Variants in SEMA5A observed in about 807,000 individuals in gnomAD.
SEMA5A encodes semaphorin 5A, also known as semaphorin-5A.
Under a neutral mutation model 135.5 loss-of-function variants are expected in SEMA5A, and 55 were observed. The ratio of observed to expected loss-of-function variants is 0.41; its 90% CI spans 0.33 to 0.51. SEMA5A has a LOEUF of 0.51. Ranked by LOEUF, SEMA5A falls within the 20% of genes least tolerant of loss-of-function variation. The pLI is 0.37. For missense variants in SEMA5A, 1,290 were observed against 1,419.9 expected, an observed-to-expected ratio of 0.91 and a Z score of 1.47; for synonymous variants, 580 against 546.5, an observed-to-expected ratio of 1.06 and a Z score of -0.85.
intron 16 of SEMA5A, among the ~76,000 whole-genome samples, chr5:9,093,621 C>T (rs187320471): frequency 4.6e-5 from 7 of 151,886 alleles, no homozygotes; most frequent in African/African-American, 1.7e-4. Context: ...GCAGGAGAAT[C>T]GGTTGAGCTC....
intron 1 of SEMA5A, among the ~76,000 whole-genome samples, chr5:9,457,768 C>A (rs10454930): frequency 0.28 from 42,903 of 151,478 alleles, 6,398 homozygotes; most frequent in East Asian, 0.52. Context: ...AACAACTTTT[C>A]AAAAAAAGAA....
chr5:9,351,370 T>A (rs1754106873), intron 3 of SEMA5A, among the ~76,000 whole-genome samples: 1 of 152,204 alleles, frequency 6.6e-6, no homozygotes, highest in African/African-American at 2.4e-5. Context: ...TTTCTATGAG[T>A]TGTAATAGAT....
At chr5:9,226,650 A>C (rs568945806) in intron 7 of SEMA5A, among the ~76,000 whole-genome samples, 1 of 152,356 alleles carries the variant, frequency 6.6e-6, no homozygotes, top group African/African-American at 2.4e-5. Flanking sequence ...ATTTAAGTTT[A>C]ATTATACAAG....
intron 2 of SEMA5A, among the ~76,000 whole-genome samples, chr5:9,402,442 T>C (rs13179929): frequency 0.21 from 31,829 of 151,828 alleles, 3,847 homozygotes; most frequent in Middle Eastern, 0.3. Context: ...CTTTGTGACT[T>C]TGAAAGAGTT....
At chr5:9,500,987 A>G (rs1419994658) in intron 1 of SEMA5A, among the ~76,000 whole-genome samples, 1 of 152,218 alleles carries the variant, frequency 6.6e-6, no homozygotes, top group Non-Finnish European at 1.5e-5. Flanking sequence ...TCCTAGTGGA[A>G]GAATTAACCA....
chr5:9,298,711 G>A (rs1338436696), intron 5 of SEMA5A, among the ~76,000 whole-genome samples: 1 of 152,180 alleles, frequency 6.6e-6, no homozygotes, highest in African/African-American at 2.4e-5. Context: ...TGAATAAGGA[G>A]TTTGATGGAA....
intron 2 of SEMA5A, among the ~76,000 whole-genome samples, chr5:9,396,882 A>C (rs138963823): frequency 6.6e-6 from 1 of 152,274 alleles, no homozygotes; most frequent in Non-Finnish European, 1.5e-5. Flanking sequence ...CTGCTGTCTC[A>C]CCATCCTTGA....
At chr5:9,126,579 T>C (rs543444480) in intron 13 of SEMA5A, among the ~76,000 whole-genome samples, 2 of 150,876 alleles carry the variant, frequency 1.3e-5, no homozygotes, top group South Asian at 2.1e-4. Context: ...AGAGCTGAAT[T>C]ATTACAGGGC....
At chr5:9,263,460 T>C (rs1749514144) in intron 5 of SEMA5A, among the ~76,000 whole-genome samples, 1 of 152,212 alleles carries the variant, frequency 6.6e-6, no homozygotes, top group South Asian at 2.1e-4. Context: ...TATGGGACTC[T>C]AGTGCCTGAT....
intron 13 of SEMA5A, among the ~76,000 whole-genome samples, chr5:9,125,200 A>G (rs1043562971): frequency 1.3e-5 from 2 of 152,032 alleles, no homozygotes; most frequent in African/African-American, 2.4e-5. Context: ...TTTCTAACCA[A>G]CCCTCTAACA....
At chr5:9,225,992 G>T (rs1467768914) in intron 7 of SEMA5A, among the ~76,000 whole-genome samples, 1 of 152,054 alleles carries the variant, frequency 6.6e-6, no homozygotes, top group African/African-American at 2.4e-5. Flanking sequence ...CATAAAAGGG[G>T]GCCCCAAAGA....
At chr5:9,463,972 TCTGTGATG>T (rs990501781) in intron 1 of SEMA5A, among the ~76,000 whole-genome samples, 1 of 152,164 alleles carries the variant, frequency 6.6e-6, no homozygotes, top group African/African-American at 2.4e-5. Context: ...TCTTTTCAAA[TCTGTGATG>T]CTGTATTCAG....
At chr5:9,377,828 C>T (rs957663923) in intron 3 of SEMA5A, among the ~76,000 whole-genome samples, 1 of 152,090 alleles carries the variant, frequency 6.6e-6, no homozygotes, top group Non-Finnish European at 1.5e-5. Flanking sequence ...CTGAGAAGAC[C>T]TGTGGGCACC....
chr5:9,373,543 G>A (rs1276753303), intron 3 of SEMA5A, among the ~76,000 whole-genome samples: 7 of 152,166 alleles, frequency 4.6e-5, no homozygotes, highest in Non-Finnish European at 1.0e-4. Flanking sequence ...TGCAGCTCTT[G>A]CTTAAGTTTC....
intron 11 of SEMA5A, among the ~76,000 whole-genome samples, chr5:9,154,937 T>C (rs1183617499): frequency 1.3e-5 from 2 of 152,140 alleles, no homozygotes; most frequent in Non-Finnish European, 2.9e-5. Context: ...GGATGAGGAC[T>C]AATCATGTCC....
chr5:9,414,327 T>C (rs2126612682), intron 2 of SEMA5A, among the ~76,000 whole-genome samples: 1 of 152,348 alleles, frequency 6.6e-6, no homozygotes, highest in East Asian at 1.9e-4. Context: ...ATTACTTTCA[T>C]CGAAGATGAC....
At chr5:9,298,032 C>T (rs1036936415) in intron 5 of SEMA5A, among the ~76,000 whole-genome samples, 1 of 152,120 alleles carries the variant, frequency 6.6e-6, no homozygotes, top group Non-Finnish European at 1.5e-5. Context: ...AAAAATTATA[C>T]TAATGTCATT....
At chr5:9,199,100 C>T (rs975653782) in intron 9 of SEMA5A, among the ~76,000 whole-genome samples, 1 of 152,114 alleles carries the variant, frequency 6.6e-6, no homozygotes, top group Admixed American at 6.5e-5. Context: ...CCCCAGGTTT[C>T]CAGGCAGCTT....
At chr5:9,461,588 C>T (rs960967304) in intron 1 of SEMA5A, among the ~76,000 whole-genome samples, 9 of 152,120 alleles carry the variant, frequency 5.9e-5, no homozygotes, top group African/African-American at 2.2e-4. Flanking sequence ...ACAGTAGAAT[C>T]AAATGTGGGG....
Sources: gnomAD v4.1 joint callset for allele counts (sites outside exome capture counted in the v4.1 genomes callset) on GRCh38, gnomAD v4.1.1 for gene constraint, MANE v1.5 for transcripts, NCBI Gene and HGNC (gene_info 2026-07-23, HGNC 2026-07-21) for gene names.